DLG2: variants seen among roughly 807,000 people sequenced by gnomAD.
DLG2 encodes the protein discs large MAGUK scaffold protein 2, also known as disks large homolog 2.
In DLG2, 45 loss-of-function variants were observed where a neutral mutation model predicts 132.5. That is an observed-to-expected ratio of 0.34 (90% CI 0.27 to 0.44). The LOEUF (loss-of-function observed/expected upper bound fraction) is 0.44. Among genes scored for constraint, DLG2 ranks in the 20% least tolerant of loss-of-function variants. The pLI, the probability that DLG2 is intolerant of heterozygous loss-of-function variation, is 1.00. For missense variants in DLG2, 1,045 were observed against 1,196.9 expected (o/e 0.87, Z 1.87); for synonymous variants, 424 against 419.6 (o/e 1.01, Z -0.13).
At position 84,091,996 on chromosome 11, in the gene DLG2, T is replaced by C. The variant is rs192667194; in HGVS notation, c.749+6927A>G. Among the ~76,000 whole-genome samples, 41 of 152,350 alleles carry C rather than the reference T, an allele frequency of 2.7e-4. 1 individual carries two copies. The highest frequency in any genetic ancestry group is 2.0e-4 in the Admixed American group (3 of 15,304). On this transcript the variant is annotated intron_variant, in intron 10 of 27. Coordinates refer to ENST00000376104, the MANE Select transcript of DLG2 (RefSeq NM_001142699.3). ...ACAACATGGAAGTTTGCTTCATCCA[T>C]GCCAGTAAGAGAATCTCTCTGTTTT... is the stretch of plus-strand genomic sequence containing the variant.
chr11:85,107,103 C>T (rs1245099463), intron 6 of DLG2, among the ~76,000 whole-genome samples: 4 of 151,874 alleles, frequency 2.6e-5, no homozygotes, highest in Non-Finnish European at 5.9e-5. Context: ...AATGTTTATG[C>T]TATTTGAGAA....
chr11:83,740,537 T>C (rs185064406), intron 18 of DLG2, among the ~76,000 whole-genome samples: 44 of 152,296 alleles, frequency 2.9e-4, no homozygotes, highest in Admixed American at 2.7e-3. Context: ...CAAAGAAGCA[T>C]TGTTTTCTCT....
chr11:83,996,017 A>C (rs745937975), intron 11 of DLG2, among the ~76,000 whole-genome samples: 2 of 152,210 alleles, frequency 1.3e-5, no homozygotes, highest in Admixed American at 1.3e-4. Flanking sequence ...TAAAGGAAAC[A>C]ATCAACAAAG....
intron 18 of DLG2, among the ~76,000 whole-genome samples, chr11:83,662,504 T>G (rs896050345): frequency 1.3e-5 from 2 of 152,190 alleles, no homozygotes; most frequent in Non-Finnish European, 2.9e-5. Flanking sequence ...AACAAATACT[T>G]CTAAGGAACC....
chr11:84,916,858 C>G (rs1405462316), intron 6 of DLG2, among the ~76,000 whole-genome samples: 1 of 152,170 alleles, frequency 6.6e-6, no homozygotes, highest in Non-Finnish European at 1.5e-5. Flanking sequence ...AGGCTTCTAG[C>G]TCAGGGCCTT....
intron 4 of DLG2, among the ~76,000 whole-genome samples, chr11:85,276,518 T>C (rs757534610): frequency 4.6e-5 from 7 of 152,110 alleles, no homozygotes; most frequent in Non-Finnish European, 1.0e-4. Context: ...GGGAAGAGTA[T>C]GGAACTGTAT....
intron 19 of DLG2, among the ~76,000 whole-genome samples, chr11:83,564,049 G>T (rs1288400159): frequency 6.7e-6 from 1 of 150,246 alleles, no homozygotes; most frequent in East Asian, 1.9e-4. Context: ...CTCACCATGG[G>T]CCTGTTCCAA....
At chr11:84,650,894 TATATATAAA>T (rs946516102) in intron 6 of DLG2, among the ~76,000 whole-genome samples, 1 of 146,248 alleles carries the variant, frequency 6.8e-6, no homozygotes, top group Non-Finnish European at 1.5e-5. Context: ...TATATATATA[TATATATAAA>T]ATTTTTGTGC....
chr11:85,100,313 C>CACCTACTA (rs1288536853), intron 6 of DLG2, among the ~76,000 whole-genome samples: 1 of 152,020 alleles, frequency 6.6e-6, no homozygotes, highest in African/African-American at 2.4e-5. Flanking sequence ...ATGAATTGAG[C>CACCTACTA]ACCTACTATG....
At chr11:83,545,413 C>A (rs1163367327) in intron 19 of DLG2, among the ~76,000 whole-genome samples, 2 of 152,088 alleles carry the variant, frequency 1.3e-5, no homozygotes, top group Admixed American at 6.6e-5. Flanking sequence ...ATCAGGGGAT[C>A]TGTGTGCCAA....
intron 7 of DLG2, among the ~76,000 whole-genome samples, chr11:84,350,186 A>G: frequency 7.6e-6 from 1 of 131,094 alleles, no homozygotes; most frequent in Non-Finnish European, 1.6e-5. Flanking sequence ...CCCCCCCCCA[A>G]AAAAAAAAAA....
intron 11 of DLG2, among the ~76,000 whole-genome samples, chr11:83,991,246 A>C (rs2093694468): frequency 6.6e-6 from 1 of 152,176 alleles, no homozygotes; most frequent in South Asian, 2.1e-4. Context: ...TTCTGCTTAA[A>C]ATTTCTAAGG....
chr11:84,475,183 C>T (rs1265130114), intron 7 of DLG2, among the ~76,000 whole-genome samples: 1 of 152,124 alleles, frequency 6.6e-6, no homozygotes, highest in Non-Finnish European at 1.5e-5. Context: ...CAAGATAAGA[C>T]ATGTGACGTC....
rs2093078512 is a variant in DLG2 at position 85,474,478 on chromosome 11, A to T, written c.40+124179T>A. ...AATTAATGGATCAAGCAGAGAAAAA[A>T]TTGAACTGTGCTGTTCTAAAGGATT... On this transcript the variant is annotated intron_variant, in intron 3 of 27. Coordinates refer to ENST00000376104, the MANE Select transcript of DLG2 (RefSeq NM_001142699.3). Among the ~76,000 whole-genome samples the T allele has an allele frequency of 2.6e-5, 4 of 151,966 alleles. No homozygotes were observed. In the South Asian group the frequency reaches 8.3e-4, roughly 31 times the overall value.
intron 9 of DLG2, among the ~76,000 whole-genome samples, chr11:84,147,361 G>A (rs1167212403): frequency 6.6e-6 from 1 of 152,148 alleles, no homozygotes; most frequent in Non-Finnish European, 1.5e-5. Context: ...TCCCTAAAAG[G>A]AGGAGGATGC....
chr11:84,557,792 C>T (rs2099414922), intron 6 of DLG2, among the ~76,000 whole-genome samples: 1 of 151,896 alleles, frequency 6.6e-6, no homozygotes, highest in Non-Finnish European at 1.5e-5. Flanking sequence ...CTTGTTAGAA[C>T]ATATATACCT....
Position 84,350,179 on chromosome 11 carries a change from C to G in DLG2, c.520-98888G>C, listed in dbSNP as rs1450467580. The stretch of plus-strand genomic sequence containing the variant: ...GGCGACAGAGAGAGACTTCGTCCCC[C>G]CCCCCAAAAAAAAAAAAAAAAAATC... On this transcript the variant is annotated intron_variant, in intron 7 of 27. Transcript: ENST00000376104. Among the ~76,000 whole-genome samples the G allele has an allele frequency of 8.6e-4, 123 of 143,614 alleles. 3 individuals carry two copies. The highest frequency in any genetic ancestry group is 3.4e-3 in the Middle Eastern group (1 of 290). 94.2% of individuals were successfully genotyped at this position (143,614 alleles called of 152,430 possible). A position where few individuals can be genotyped will look rare whatever the true frequency, so the allele number is the denominator to read the frequency against.
intron 3 of DLG2, among the ~76,000 whole-genome samples, chr11:85,536,350 C>T (rs1003692509): frequency 2.0e-5 from 3 of 152,112 alleles, no homozygotes; most frequent in Admixed American, 2.0e-4. Context: ...TTGGGAGGAC[C>T]CCAGAAGCAG....
intron 7 of DLG2, among the ~76,000 whole-genome samples, chr11:84,346,179 C>T (rs976765241): frequency 1.3e-5 from 2 of 152,170 alleles, no homozygotes; most frequent in African/African-American, 4.8e-5. Flanking sequence ...TCAGTTAAGT[C>T]ATATAGTGCA....
Sources: gnomAD v4.1 joint callset for allele counts (sites outside exome capture counted in the v4.1 genomes callset) on GRCh38, gnomAD v4.1.1 for gene constraint, MANE v1.5 for transcripts, NCBI Gene and HGNC (gene_info 2026-07-23, HGNC 2026-07-21) for gene names.